Variants in SASH1 observed in about 807,000 individuals in gnomAD.
SASH1 encodes the protein SAM and SH3 domain-containing protein 1.
SASH1 carries 44 observed loss-of-function variants against 125.2 expected under a neutral mutation model. The observed-to-expected ratio is 0.35, with a 90% confidence interval of 0.28 to 0.45. The LOEUF (loss-of-function observed/expected upper bound fraction) is 0.45, where lower values mean the gene tolerates loss of function less well. SASH1 is among the 20% of genes least tolerant of loss of function. The pLI, the probability that SASH1 is intolerant of heterozygous loss-of-function variation, is 1.00. For missense variants in SASH1, 1,426 were observed against 1,614.5 expected (o/e 0.88, Z 2.00); for synonymous variants, 639 against 649.1 (o/e 0.98, Z 0.24).
At chr6:148,525,786 C>A (rs913084812) in intron 11 of SASH1, among the ~76,000 whole-genome samples, 2 of 152,152 alleles carry the variant, frequency 1.3e-5, no homozygotes, top group South Asian at 2.1e-4. Flanking sequence ...TTTTGGAACA[C>A]CAGTCTTATT....
chr6:148,358,847 TGCCTCA>T (rs963402337), intron 1 of SASH1, among the ~76,000 whole-genome samples: 29 of 148,884 alleles, frequency 1.9e-4, no homozygotes, highest in South Asian at 1.8e-3. Flanking sequence ...GCCATTCTCC[TGCCTCA>T]GCCTCCCGAG....
At chr6:148,413,391 G>A (rs563912676) in intron 2 of SASH1, among the ~76,000 whole-genome samples, 6 of 152,164 alleles carry the variant, frequency 3.9e-5, no homozygotes, top group South Asian at 2.1e-4. Context: ...TTTAGGTCTC[G>A]ATTGACCTAA....
chr6:148,339,594 T>C (rs1224317823), upstream of SASH1, among the ~76,000 whole-genome samples: 5 of 152,026 alleles, frequency 3.3e-5, no homozygotes, highest in Non-Finnish European at 7.4e-5. Flanking sequence ...TCTCGCTCTG[T>C]CGTCCAGGCT....
intron 1 of SASH1, among the ~76,000 whole-genome samples, chr6:148,286,516 C>T (rs1261570575): frequency 6.6e-6 from 1 of 152,082 alleles, no homozygotes; most frequent in Non-Finnish European, 1.5e-5. Context: ...TCTCACTGTC[C>T]CAGAGGCTTG....
chr6:148,272,449 A>G, intron 1 of SASH1: 2 of 453,082 alleles, frequency 4.4e-6, no homozygotes, highest in Admixed American at 2.4e-5. Flanking sequence ...TGATATATTC[A>G]GGAAAGGACT....
At chr6:148,523,249 C>A (rs1219977399) in intron 10 of SASH1, among the ~76,000 whole-genome samples, 1 of 152,160 alleles carries the variant, frequency 6.6e-6, no homozygotes, top group Admixed American at 6.5e-5. Context: ...GGTGCCATAC[C>A]ATGTCTGTGA....
chr6:148,481,446 C>T (rs541347786), intron 7 of SASH1, among the ~76,000 whole-genome samples: 6 of 152,142 alleles, frequency 3.9e-5, no homozygotes, highest in Admixed American at 3.9e-4. Context: ...CAAAAGGCCT[C>T]GCTTTTAGCT....
At chr6:148,469,906 A>G (rs954500938) in intron 5 of SASH1, among the ~76,000 whole-genome samples, 1 of 151,762 alleles carries the variant, frequency 6.6e-6, no homozygotes, top group South Asian at 2.1e-4. Flanking sequence ...CCTGCCTGCA[A>G]TCCCAGCTAT....
At chr6:148,520,347 A>T (rs759146051) in intron 10 of SASH1, 3 of 172,086 alleles carry the variant, frequency 1.7e-5, no homozygotes, top group African/African-American at 7.1e-5. Context: ...CGACCGCTGT[A>T]CTAAAAGGGT....
At chr6:148,507,743 T>C (rs1779884776) in intron 8 of SASH1, among the ~76,000 whole-genome samples, 1 of 152,152 alleles carries the variant, frequency 6.6e-6, no homozygotes, top group Non-Finnish European at 1.5e-5. Context: ...TACGCATCCC[T>C]GAGTCCTGTG....
the SASH1 span, among the ~76,000 whole-genome samples, chr6:148,228,965 A>G: frequency 2.6e-5 from 4 of 151,918 alleles, no homozygotes; most frequent in African/African-American, 9.7e-5. Context: ...GTGAAACCCC[A>G]TCTCTACTAA....
At chr6:148,527,345 C>T in intron 11 of SASH1, 108 bp from the exon 12 acceptor site, 1 of 963,712 alleles carries the variant, frequency 1.0e-6, no homozygotes, top group Non-Finnish European at 1.5e-6. Context: ...CGTCAAGATC[C>T]ATGAGGAATG....
chr6:148,511,324 TACACACACACACAC>T lies in SASH1; in HGVS notation c.730-2963_730-2950del, dbSNP rs58822082. On this transcript the variant is annotated intron_variant, in intron 8 of 19. Coordinates refer to ENST00000367467, the MANE Select transcript of SASH1 (RefSeq NM_015278.5). ...GCTGACTTCTAGGTTAATTTTCTAT[TACACACACACACAC>T]ACACACACACACACACACACACACA... Among the ~76,000 whole-genome samples the T allele has an allele frequency of 7.9e-3, 1,066 of 135,454 alleles. 16 individuals are homozygous for T. The highest frequency in any genetic ancestry group is 0.028 in the African/African-American group (1,000 of 35,802). The allele number at this position is 135,454 out of a possible 152,430, so 88.9% of individuals were successfully genotyped here.
intron 12 of SASH1, among the ~76,000 whole-genome samples, chr6:148,528,020 A>G (rs1448120118): frequency 4.0e-5 from 6 of 148,876 alleles, no homozygotes; most frequent in African/African-American, 1.5e-4. Context: ...CTTGTCGATC[A>G]TAGCATAAGT....
chr6:148,305,280 G>A (rs555534030), intron 1 of SASH1, among the ~76,000 whole-genome samples: 30 of 152,252 alleles, frequency 2.0e-4, no homozygotes, highest in African/African-American at 7.0e-4. Flanking sequence ...ACAATCAGAA[G>A]CTCACCAAAG....
chr6:148,296,808 G>A (rs1179119414), intron 1 of SASH1, among the ~76,000 whole-genome samples: 1 of 152,202 alleles, frequency 6.6e-6, no homozygotes, highest in Non-Finnish European at 1.5e-5. Flanking sequence ...ATGAGAAGGA[G>A]CTGGCATGGA....
At chr6:148,344,954 C>T (rs1219300070) in intron 1 of SASH1, among the ~76,000 whole-genome samples, 1 of 152,026 alleles carries the variant, frequency 6.6e-6, no homozygotes, top group Non-Finnish European at 1.5e-5. Context: ...CGGGGTTTCA[C>T]CATGTTAGCC....
chr6:148,421,175 AAGAAAGAAAGAAAGAAAGAAAG>A (rs1785071154), intron 2 of SASH1, among the ~76,000 whole-genome samples: 4 of 147,248 alleles, frequency 2.7e-5, no homozygotes, highest in Non-Finnish European at 6.1e-5. Context: ...GAAAGAAAGA[AAGAAAGAAAGAAAGAAAGAAAG>A]AAAGAAAGAA....
In SASH1 at chr6:148,408,319, G is replaced by A. The variant is rs184263788; in HGVS notation, c.285+18057G>A. 6.8e-3 allele frequency among the ~76,000 whole-genome samples: 1,023 copies of A among 151,066 alleles called. 3 individuals carry two copies. Among genetic ancestry groups the A allele is most frequent in the Middle Eastern group, 0.014 (4 of 290 alleles). On this transcript the variant is annotated intron_variant, in intron 2 of 19. Transcript: ENST00000367467. The stretch of plus-strand genomic sequence containing the variant: ...GATGGGGTTTCACTGTGTTGGCCAG[G>A]TTGGTCTTGAACTCCTGACCTTGTG...
Sources: allele counts gnomAD v4.1 joint callset (sites outside exome capture counted in the v4.1 genomes callset), GRCh38; gene constraint gnomAD v4.1.1; transcripts MANE v1.5; gene names NCBI Gene and HGNC (gene_info 2026-07-23, HGNC 2026-07-21).